Variants in BEGAIN observed in about 807,000 individuals in gnomAD.
BEGAIN encodes the protein brain-enriched guanylate kinase-associated protein.
Under a neutral mutation model 35.8 loss-of-function variants are expected in BEGAIN, and 19 were observed. The ratio of observed to expected loss-of-function variants is 0.53; its 90% CI spans 0.37 to 0.78. The LOEUF (loss-of-function observed/expected upper bound fraction) is 0.78, where lower values mean the gene tolerates loss of function less well. Ranked by LOEUF, BEGAIN falls within the 30% of genes least tolerant of loss-of-function variation. The pLI, the probability that BEGAIN is intolerant of heterozygous loss-of-function variation, is 0.00. For missense variants in BEGAIN, 795 were observed against 853.6 expected, an observed-to-expected ratio of 0.93 and a Z score of 0.85; for synonymous variants, 462 against 388.6, an observed-to-expected ratio of 1.19 and a Z score of -2.22.
At chr14:100,545,470 T>C in intron 3 of BEGAIN, 2 of 1,011,842 alleles carry the variant, frequency 2.0e-6, no homozygotes, top group Non-Finnish European at 2.4e-6. Flanking sequence ...TAACACTAAC[T>C]ATGTGATGGG....
intron 2 of BEGAIN, among the ~76,000 whole-genome samples, chr14:100,551,972 G>C (rs576710382): frequency 6.6e-6 from 1 of 152,186 alleles, no homozygotes; most frequent in Non-Finnish European, 1.5e-5. Context: ...GCTGCTGAGC[G>C]AACAGAAAAC....
In BEGAIN at chr14:100,550,894, G is replaced by A. The variant is rs112181637; in HGVS notation, c.72-4232C>T. On this transcript the variant is annotated intron_variant, in intron 2 of 6. Transcript: ENST00000554140. Reference sequence around the variant, plus strand: ...TGAAGTCAGTTGTTCCCTGCAGAGCGGCAGGTCTACCCTCAGCCCTGCCTC... The same window carrying A: ...TGAAGTCAGTTGTTCCCTGCAGAGCAGCAGGTCTACCCTCAGCCCTGCCTC... 4.9e-3 allele frequency among the ~76,000 whole-genome samples: 750 copies of A among 152,302 alleles called. 6 individuals are homozygous for A. The highest frequency in any genetic ancestry group is 0.014 in the African/African-American group (570 of 41,564).
At chr14:100,580,731 G>C (rs2035298356) in intron 1 of BEGAIN, among the ~76,000 whole-genome samples, 1 of 152,170 alleles carries the variant, frequency 6.6e-6, no homozygotes, top group African/African-American at 2.4e-5. Flanking sequence ...TCCCCCCGTA[G>C]AATGTAACTT....
At chr14:100,544,970 G>T (rs375154513) in intron 4 of BEGAIN, 30 bp downstream of exon 4, 6 of 1,605,128 alleles carry the variant, frequency 3.7e-6, no homozygotes, top group African/African-American at 1.3e-5. Context: ...GGTGTGGGGT[G>T]GGGGAGTGGG....
At chr14:100,542,833 G>A (rs1389592061) in intron 5 of BEGAIN, among the ~76,000 whole-genome samples, 2 of 152,304 alleles carry the variant, frequency 1.3e-5, no homozygotes, top group Non-Finnish European at 2.9e-5. Context: ...TGGCAGCCAC[G>A]TGAGCCCTGG....
In BEGAIN at chr14:100,537,761, C is replaced by A; in HGVS notation, c.*208G>T. On this transcript the variant is annotated 3_prime_UTR_variant, in exon 7 of 7. Transcript: ENST00000554140. ...GAAAAACGCTCTAAGTGGAGTTCCACGGGCCGGGGCCGGGTGGACACCGTG... is the reference window on the plus strand; with the variant it reads ...GAAAAACGCTCTAAGTGGAGTTCCAAGGGCCGGGGCCGGGTGGACACCGTG... 1.5e-6 allele frequency: 1 copy of A among 655,500 alleles called. No individual in the cohort carries two copies. Among genetic ancestry groups the A allele is most frequent in the East Asian group, 3.4e-5 (1 of 29,828 alleles). 40.6% of individuals were successfully genotyped at this position (655,500 alleles called of 1,614,324 possible).
intron 2 of BEGAIN, among the ~76,000 whole-genome samples, chr14:100,552,405 C>T (rs1035846786): frequency 7.9e-5 from 12 of 152,272 alleles, no homozygotes; most frequent in Admixed American, 4.6e-4. Context: ...GGAGGGCATC[C>T]CATCCTAGAG....
At chr14:100,555,551 C>A (rs2033637238) in intron 2 of BEGAIN, among the ~76,000 whole-genome samples, 1 of 152,246 alleles carries the variant, frequency 6.6e-6, no homozygotes, top group Admixed American at 6.5e-5. Flanking sequence ...TGTACCCCAC[C>A]CCGTTTTCCA....
chr14:100,569,127 C>T (rs1261306503), intron 1 of BEGAIN: 1 of 171,214 alleles, frequency 5.8e-6, no homozygotes, highest in African/African-American at 2.4e-5. Flanking sequence ...CCGGCGCTCT[C>T]CCGGCCTCAG....
intron 4 of BEGAIN, 99 bp from the exon 5 acceptor site, chr14:100,544,064 G>C: frequency 1.2e-6 from 1 of 832,142 alleles, no homozygotes; most frequent in Middle Eastern, 3.4e-4. Context: ...TTGTAGCCAT[G>C]AGTGACAAGA....
In BEGAIN at chr14:100,586,487, G is replaced by T. The variant is rs769064074; in HGVS notation, c.42+762C>A. Among the ~76,000 whole-genome samples the T allele has an allele frequency of 3.9e-5, 6 of 152,160 alleles. No homozygotes were observed. The highest frequency in any genetic ancestry group is 7.4e-5 in the Non-Finnish European group (5 of 68,018). On this transcript the variant is annotated intron_variant, in intron 1 of 6. Coordinates refer to ENST00000554140, the MANE Select transcript of BEGAIN (RefSeq NM_001385089.1). This position sits in a 1 kb window ranked among gnomAD's most constrained non-coding sequence, Gnocchi z 4.9. ...GTCGCCCACGCTGTTCCTGCCCTGA[G>T]GAAACCACATTGGGGATGGGGTGGG...
rs552271082 is a variant in BEGAIN at position 100,587,348 on chromosome 14, C to T, written c.-58G>A. 1,917 of 147,090 alleles carry T rather than the reference C, an allele frequency of 0.013. 22 individuals carry two copies. Among genetic ancestry groups the T allele is most frequent in the Non-Finnish European group, 0.019 (1,240 of 65,808 alleles). The allele number at this position is 147,090 out of a possible 1,614,324, so 9.1% of individuals were successfully genotyped here. A position where few individuals can be genotyped will look rare whatever the true frequency, so the allele number is the denominator to read the frequency against. On this transcript the variant is annotated 5_prime_UTR_variant, in exon 1 of 7. Transcript: ENST00000554140. Reference sequence around the variant, plus strand: ...CGCCGCTACCGCCGCCCCCTCCCCTCCGAGGCCGAGCGCGCCGGGAGCCGG... The same window carrying T: ...CGCCGCTACCGCCGCCCCCTCCCCTTCGAGGCCGAGCGCGCCGGGAGCCGG...
chr14:100,585,222 T>TC (rs1415160639), intron 1 of BEGAIN, among the ~76,000 whole-genome samples: 5 of 122,342 alleles, frequency 4.1e-5, no homozygotes, highest in Non-Finnish European at 8.7e-5. Context: ...CATCCATCCA[T>TC]CCATCCATCC....
Position 100,567,937 on chromosome 14 carries a change from G to T in BEGAIN, c.45C>A (p.Ala15=). 1 of 1,461,136 alleles carries T rather than the reference G, an allele frequency of 6.8e-7. No homozygotes were observed. Among genetic ancestry groups the T allele is most frequent in the Non-Finnish European group, 9.1e-7 (1 of 1,096,916 alleles). The allele number at this position is 1,461,136 out of a possible 1,614,324, so 90.5% of individuals were successfully genotyped here. Residue 15 remains alanine (A), a splice_region_variant and synonymous_variant, in exon 2 of 7, where the codon GCC becomes GCA. Coordinates refer to ENST00000554140, the MANE Select transcript of BEGAIN (RefSeq NM_001385089.1). The surrounding 1 kb of genome is among the most constrained non-coding windows in gnomAD (Gnocchi z 5.1). Reference sequence around the variant, plus strand: ...TGAGTTTCTCCATGTCTGCGGCAGAGGCCTGCGAGAAACCAAACGAGAGGG... The same window carrying T: ...TGAGTTTCTCCATGTCTGCGGCAGATGCCTGCGAGAAACCAAACGAGAGGG... ...GRRPGRLRRA[A]SAADMEKLSA...
chr14:100,561,067 C>T (rs1174993162), intron 2 of BEGAIN, among the ~76,000 whole-genome samples: 1 of 152,208 alleles, frequency 6.6e-6, no homozygotes, highest in African/African-American at 2.4e-5. Context: ...CCCATGCGGG[C>T]CTGACATGGA....
Position 100,587,271 on chromosome 14 carries a change from C to T in BEGAIN, c.20G>A (p.Arg7Gln), listed in dbSNP as rs1332722544. MWTGGR[R>Q]PGRLRRAASA... Reference sequence around the variant, plus strand: ...CACCGCCCGGCGCAGCCGGCCCGGCCGGCGACCGCCAGTCCACATGGCCCC... The same window carrying T: ...CACCGCCCGGCGCAGCCGGCCCGGCTGGCGACCGCCAGTCCACATGGCCCC... Residue 7 changes from arginine to glutamine, a missense_variant, in exon 1 of 7, where the codon CGG (arginine) becomes CAG (glutamine). Coordinates refer to ENST00000554140, the MANE Select transcript of BEGAIN (RefSeq NM_001385089.1). 1 of 189,798 alleles carries T rather than the reference C, an allele frequency of 5.3e-6. No individual in the cohort carries two copies. The highest frequency in any genetic ancestry group is 8.1e-5 in the South Asian group (1 of 12,300). The allele number at this position is 189,798 out of a possible 1,614,324, so 11.8% of individuals were successfully genotyped here.
chr14:100,551,731 C>T (rs1312933654), intron 2 of BEGAIN, among the ~76,000 whole-genome samples: 1 of 152,016 alleles, frequency 6.6e-6, no homozygotes, highest in Admixed American at 6.5e-5. Flanking sequence ...ACCATTAGCA[C>T]CCATGGGTCA....
chr14:100,562,400 C>T (rs1325604947), intron 2 of BEGAIN, among the ~76,000 whole-genome samples: 1 of 152,098 alleles, frequency 6.6e-6, no homozygotes, highest in Non-Finnish European at 1.5e-5. Context: ...AGGTGTGCAG[C>T]GGGGCTTTGC....
Position 100,540,461 on chromosome 14 carries a change from G to A in BEGAIN, c.492+35C>T, listed in dbSNP as rs1566960327. On this transcript the variant is annotated intron_variant, in intron 6 of 6. Coordinates refer to ENST00000554140, the MANE Select transcript of BEGAIN (RefSeq NM_001385089.1). ...GGCACAAAAGGAGCCCGGTGGTCCC[G>A]GGGCGGGGTGGGCCTGGCTGCGGGG... is the stretch of plus-strand genomic sequence containing the variant. The A allele has an allele frequency of 7.3e-6, 11 of 1,510,302 alleles. No individual in the cohort carries two copies. In the Middle Eastern group the frequency reaches 5.1e-4, roughly 71 times the overall value. The allele number at this position is 1,510,302 out of a possible 1,614,324, so 93.6% of individuals were successfully genotyped here. A position where few individuals can be genotyped will look rare whatever the true frequency, so the allele number is the denominator to read the frequency against.
Sources: allele counts gnomAD v4.1 joint callset (sites outside exome capture counted in the v4.1 genomes callset), GRCh38; gene constraint gnomAD v4.1.1; non-coding constraint Gnocchi (gnomAD v3.1); transcripts MANE v1.5; gene names NCBI Gene and HGNC (gene_info 2026-07-23, HGNC 2026-07-21).